SLC6A19: variants seen among roughly 807,000 people sequenced by gnomAD.
The protein encoded by SLC6A19 is solute carrier family 6 member 19, also known as sodium-dependent neutral amino acid transporter B(0)AT1.
SLC6A19 carries 67 observed loss-of-function variants against 68.3 expected under a neutral mutation model. The observed-to-expected ratio is 0.98, with a 90% CI of 0.81 to 1.20. The LOEUF (loss-of-function observed/expected upper bound fraction) is 1.20, where lower values mean the gene tolerates loss of function less well. Among genes scored for constraint, SLC6A19 ranks in the 50% most tolerant of loss-of-function variants. The probability of loss-of-function intolerance (pLI) is 0.00; values close to 1 mark genes in which losing one functional copy is unlikely to be tolerated. For missense variants in SLC6A19, 813 were observed against 851.6 expected (o/e 0.95, Z 0.56); for synonymous variants, 392 against 374.9 (o/e 1.05, Z -0.53).
chr5:1,219,670 G>A lies in SLC6A19; in HGVS notation c.1538+6G>A, dbSNP rs1406738386. On this transcript the variant is annotated splice_donor_region_variant and intron_variant, in intron 10 of 11. Coordinates refer to ENST00000304460, the MANE Select transcript of SLC6A19 (RefSeq NM_001003841.3). ...TACGTGTACGGTGTGGACAGGTAGG[G>A]GCCACGGTGGGGACAGGTGCCTCTA... The A allele has an allele frequency of 4.4e-6, 7 of 1,603,206 alleles. No homozygotes were observed. The highest frequency in any genetic ancestry group is 5.9e-6 in the Non-Finnish European group (7 of 1,179,958).
chr5:1,202,723 AGGAGT>A (rs1745750429), intron 1 of SLC6A19, among the ~76,000 whole-genome samples: 4 of 152,260 alleles, frequency 2.6e-5, no homozygotes, highest in African/African-American at 9.6e-5. Context: ...CTCCGTTTAG[AGGAGT>A]CTGCCCTCAG....
chr5:1,221,995 G>A lies in SLC6A19; in HGVS notation c.*91G>A, dbSNP rs1746395696. 7.3e-7 allele frequency: 1 copy of A among 1,364,958 alleles called. No individual in the cohort carries two copies. The highest frequency in any genetic ancestry group is 1.3e-5 in the South Asian group (1 of 77,816). 84.6% of individuals were successfully genotyped at this position (1,364,958 alleles called of 1,614,324 possible). On this transcript the variant is annotated 3_prime_UTR_variant, in exon 12 of 12. Coordinates refer to ENST00000304460, the MANE Select transcript of SLC6A19 (RefSeq NM_001003841.3). Reference sequence around the variant, plus strand: ...GGTGGGGGCCGGGCTGCACCTGCATGTGTGTAAGCGTGAGTGTATGCTCGT... The same window carrying A: ...GGTGGGGGCCGGGCTGCACCTGCATATGTGTAAGCGTGAGTGTATGCTCGT...
At chr5:1,206,041 G>C (rs1464572392) in intron 1 of SLC6A19, among the ~76,000 whole-genome samples, 3 of 152,228 alleles carry the variant, frequency 2.0e-5, no homozygotes, top group Non-Finnish European at 4.4e-5. Context: ...AGCTCAGAGA[G>C]AGGGGCCTGT....
chr5:1,219,908 G>A lies in SLC6A19; in HGVS notation c.1538+244G>A, dbSNP rs553560553. Among the ~76,000 whole-genome samples the A allele has an allele frequency of 5.9e-5, 9 of 152,310 alleles. No individual in the cohort carries two copies. In the East Asian group the frequency reaches 1.7e-3, roughly 29 times the overall value. ...GAGCCGGGAAGCCCAGTGGAGCCCA[G>A]ACCTTGGCGGTGCCCACGCAGAGAG... On this transcript the variant is annotated intron_variant, in intron 10 of 11. Coordinates refer to ENST00000304460, the MANE Select transcript of SLC6A19 (RefSeq NM_001003841.3).
rs139103369 is a variant in SLC6A19 at position 1,216,816 on chromosome 5, C to G, written c.1044C>G (p.Phe348Leu). ...STNILTLING[F>L]DLPEGNVTQE... is the part of the protein sequence containing the mutation. ...ACATCCTGACCCTCATCAACGGGTTCGACCTGCCTGAAGGCAACGTGACCC... is the reference window on the plus strand; with the variant it reads ...ACATCCTGACCCTCATCAACGGGTTGGACCTGCCTGAAGGCAACGTGACCC... The change falls in exon 8 of 12, where the codon TTC becomes TTG. Residue 348 changes from phenylalanine to leucine, a missense_variant. Coordinates refer to ENST00000304460, the MANE Select transcript of SLC6A19 (RefSeq NM_001003841.3). 5 of 1,613,806 alleles carry G rather than the reference C, an allele frequency of 3.1e-6. No homozygotes were observed. In the Admixed American group the frequency reaches 8.3e-5, roughly 27 times the overall value.
In SLC6A19 at chr5:1,224,992, G is replaced by A. The variant is rs542187765; in HGVS notation, c.*3088G>A. ...CAAGAGCAGCTGAGAGGATCCCTGC[G>A]GGAATCCGGGCTTCGGGTGCATGCG... On this transcript the variant is annotated 3_prime_UTR_variant, in exon 12 of 12. Transcript: ENST00000304460. The A allele has an allele frequency of 1.1e-3, 164 of 155,982 alleles. No individual in the cohort carries two copies. Among genetic ancestry groups the A allele is most frequent in the Admixed American group, 2.1e-3 (34 of 16,068 alleles). 9.7% of individuals were successfully genotyped at this position (155,982 alleles called of 1,614,324 possible).
Position 1,214,599 on chromosome 5 carries a change from C to G in SLC6A19, c.887+534C>G, listed in dbSNP as rs1236070087. Among the ~76,000 whole-genome samples, 4 of 152,176 alleles carry G rather than the reference C, an allele frequency of 2.6e-5. No homozygotes were observed. Among genetic ancestry groups the G allele is most frequent in the Non-Finnish European group, 5.9e-5 (4 of 68,026 alleles). On this transcript the variant is annotated intron_variant, in intron 6 of 11. Transcript: ENST00000304460. This position sits in a 1 kb window ranked among gnomAD's most constrained non-coding sequence, Gnocchi z 7.4. ...TCCACTAGCATTTATGAAGCACCTA[C>G]TATGTGCCCGACCTGGTGCATCAGG...
chr5:1,218,045 C>A (rs939262893), intron 8 of SLC6A19, among the ~76,000 whole-genome samples: 1 of 152,090 alleles, frequency 6.6e-6, no homozygotes, highest in Non-Finnish European at 1.5e-5. Flanking sequence ...CTGCCTCCTC[C>A]CGCCTCCTCC....
Position 1,213,574 on chromosome 5 carries a change from GTAA to G in SLC6A19, c.774+2_774+4del. On this transcript the variant is annotated splice_donor_variant and splice_donor_region_variant and intron_variant, in intron 5 of 11. Coordinates refer to ENST00000304460, the MANE Select transcript of SLC6A19 (RefSeq NM_001003841.3). LOFTEE classifies it high-confidence loss of function. ...CATCGTCTTCCTCTTCACGCCCAAC[GTAA>G]GTCCCCGAGGCTGCCCTGGGCCCAG... 6.2e-7 allele frequency: 1 copy of G among 1,611,240 alleles called. No individual in the cohort carries two copies. The highest frequency in any genetic ancestry group is 8.5e-7 in the Non-Finnish European group (1 of 1,179,176).
At chr5:1,220,771 G>T (rs931186184) in intron 10 of SLC6A19, among the ~76,000 whole-genome samples, 2 of 152,346 alleles carry the variant, frequency 1.3e-5, no homozygotes, top group East Asian at 3.9e-4. Context: ...CGTAGGGTGG[G>T]GAAGGTGTGG....
Position 1,208,956 on chromosome 5 carries a change from C to T in SLC6A19, c.343+70C>T, listed in dbSNP as rs111708279. ...TGCTGGGAAGCCGTTCCACCCGGGC[C>T]CAGGGTTCGCCTTGCCGGCCTCGGT... On this transcript the variant is annotated intron_variant, in intron 2 of 11. Coordinates refer to ENST00000304460, the MANE Select transcript of SLC6A19 (RefSeq NM_001003841.3). The T allele has an allele frequency of 8.8e-4, 1,357 of 1,541,032 alleles. 16 individuals are homozygous for T. In the African/African-American group the frequency reaches 0.017, roughly 19 times the overall value.
intron 1 of SLC6A19, among the ~76,000 whole-genome samples, chr5:1,207,605 C>T (rs1414036332): frequency 6.6e-6 from 1 of 152,226 alleles, no homozygotes; most frequent in African/African-American, 2.4e-5. Flanking sequence ...TGAGCCTCTG[C>T]GCCTGATGAT....
Position 1,213,471 on chromosome 5 carries a change from C to T in SLC6A19, c.672C>T (p.Tyr224=), listed in dbSNP as rs751918587. The T allele has an allele frequency of 1.6e-4, 248 of 1,562,714 alleles. No individual in the cohort carries two copies. The highest frequency in any genetic ancestry group is 2.1e-4 in the Non-Finnish European group (242 of 1,152,524). The part of the protein sequence containing the change: ...RGIETTGKAV[Y]ITSTLPYVVL... ...TGTCCCGCCCTCCGCAGGCCGTGTA[C>T]ATCACCTCCACGCTGCCCTATGTCG... The change falls in exon 5 of 12, where the codon TAC becomes TAT. Residue 224 remains tyrosine (Y), a synonymous_variant. Transcript: ENST00000304460.
In SLC6A19 at chr5:1,218,787, A is replaced by C; in HGVS notation, c.1174-116A>C. On this transcript the variant is annotated intron_variant, in intron 8 of 11. Coordinates refer to ENST00000304460, the MANE Select transcript of SLC6A19 (RefSeq NM_001003841.3). ...AGACAAGATCTAGCTATTTCATGAC[A>C]GCTCAGACCTGCCCGCCCCATGCTG... is the stretch of plus-strand genomic sequence containing the variant. The C allele has an allele frequency of 8.9e-6, 9 of 1,016,326 alleles. No homozygotes were observed. In the Admixed American group the frequency reaches 1.7e-4, roughly 19 times the overall value. The allele number at this position is 1,016,326 out of a possible 1,614,324, so 63.0% of individuals were successfully genotyped here. A position where few individuals can be genotyped will look rare whatever the true frequency, so the allele number is the denominator to read the frequency against.
intron 8 of SLC6A19, 52 bp from the exon 9 acceptor site, chr5:1,218,851 G>A: frequency 2.5e-6 from 4 of 1,592,130 alleles, no homozygotes; most frequent in South Asian, 1.1e-5. Context: ...GCGGGGAGGA[G>A]ACGGAGCCCA....
At chr5:1,211,967 A>ATG (rs34946582) in intron 3 of SLC6A19, among the ~76,000 whole-genome samples, 5 of 143,524 alleles carry the variant, frequency 3.5e-5, no homozygotes, top group South Asian at 4.5e-4. Context: ...GCCTGTGTGC[A>ATG]TGTGTGTGTG....
rs1746055513 is a variant in SLC6A19, at chr5:1,212,115, G to A, written c.482-188G>A. ...TGCACACGAGGGTGTAGCTGTGCAT[G>A]TGTGCTGTGTGCGTGCATGCATGTG... On this transcript the variant is annotated intron_variant, in intron 3 of 11. Transcript: ENST00000304460. This position sits in a 1 kb window ranked among gnomAD's most constrained non-coding sequence, Gnocchi z 5.1. Among the ~76,000 whole-genome samples, 2 of 151,806 alleles carry A rather than the reference G, an allele frequency of 1.3e-5. No individual in the cohort carries two copies. Among genetic ancestry groups the A allele is most frequent in the Admixed American group, 1.3e-4 (2 of 15,270 alleles).
intron 6 of SLC6A19, 130 bp from the exon 7 acceptor site, chr5:1,216,428 C>T: frequency 7.3e-7 from 1 of 1,366,754 alleles, no homozygotes; most frequent in Non-Finnish European, 1.0e-6. Context: ...GACTGCCTCC[C>T]CGTGTCACTC....
At chr5:1,208,685 G>C in intron 1 of SLC6A19, 61 bp from the exon 2 acceptor site, 2 of 1,611,474 alleles carry the variant, frequency 1.2e-6, no homozygotes, top group African/African-American at 1.3e-5. Flanking sequence ...CTGCTCCCGA[G>C]GGAGGCCTTC....
Sources: allele counts gnomAD v4.1 joint callset (sites outside exome capture counted in the v4.1 genomes callset), GRCh38; gene constraint gnomAD v4.1.1; non-coding constraint Gnocchi (gnomAD v3.1); transcripts MANE v1.5; gene names NCBI Gene and HGNC (gene_info 2026-07-23, HGNC 2026-07-21).